Variants in FGFR2 observed in about 807,000 individuals in gnomAD.
FGFR2 encodes the protein BEK fibroblast growth factor receptor.
A neutral mutation model predicts 95.9 loss-of-function variants in FGFR2; 19 were observed. The ratio of observed to expected loss-of-function variants is 0.20; its 90% CI spans 0.14 to 0.29. FGFR2 has a LOEUF of 0.29. Ranked by LOEUF, FGFR2 falls within the 10% of genes least tolerant of loss-of-function variation. The pLI is 1.00. For missense variants in FGFR2, 707 were observed against 1,056.9 expected (o/e 0.67, Z 4.59); for synonymous variants, 392 against 393.3 (o/e 1.00, Z 0.04).
intron 10 of FGFR2, among the ~76,000 whole-genome samples, chr10:121,503,142 T>C (rs958335194): frequency 2.0e-5 from 3 of 152,370 alleles, no homozygotes; most frequent in Non-Finnish European, 4.4e-5. Context: ...AGGATTCAAA[T>C]GCAGCCCAAC....
intron 2 of FGFR2, among the ~76,000 whole-genome samples, chr10:121,580,539 A>T (rs376471112): frequency 6.6e-6 from 1 of 152,126 alleles, no homozygotes; most frequent in African/African-American, 2.4e-5. Context: ...CAATCAGCTG[A>T]ATGGGAATGA....
chr10:121,544,382 T>C (rs1292948675), intron 5 of FGFR2, among the ~76,000 whole-genome samples: 2 of 150,384 alleles, frequency 1.3e-5, no homozygotes. Flanking sequence ...AGGCGGAGGT[T>C]GCAGTGAGCC....
chr10:121,595,893 T>A (rs1863366788), intron 1 of FGFR2, among the ~76,000 whole-genome samples: 1 of 152,196 alleles, frequency 6.6e-6, no homozygotes, highest in Non-Finnish European at 1.5e-5. Context: ...TTCAGCCATT[T>A]CCAGGTCCAA....
chr10:121,505,732 G>A (rs576859646), intron 9 of FGFR2, among the ~76,000 whole-genome samples: 3 of 152,264 alleles, frequency 2.0e-5, no homozygotes, highest in African/African-American at 2.4e-5. Flanking sequence ...AGCTAACCTC[G>A]TCTGCGGGAC....
At chr10:121,484,701 C>T (rs1845183069) in intron 16 of FGFR2, among the ~76,000 whole-genome samples, 1 of 152,170 alleles carries the variant, frequency 6.6e-6, no homozygotes, top group Non-Finnish European at 1.5e-5. Context: ...CAACATAACT[C>T]CACTTAAAGT....
At chr10:121,522,051 C>A (rs2981442) in intron 6 of FGFR2, among the ~76,000 whole-genome samples, 136,011 of 152,274 alleles carry the variant, frequency 0.89, 62,714 homozygotes, top group East Asian at 1. Context: ...ACAGACACTG[C>A]CTGACTCCAC....
intron 6 of FGFR2, among the ~76,000 whole-genome samples, chr10:121,522,025 G>C (rs1850623854): frequency 6.6e-6 from 1 of 152,202 alleles, no homozygotes; most frequent in South Asian, 2.1e-4. Context: ...AAGTGAAACA[G>C]GATAGTCACA....
intron 9 of FGFR2, among the ~76,000 whole-genome samples, chr10:121,507,383 T>A (rs886159084): frequency 9.9e-5 from 15 of 152,108 alleles, no homozygotes; most frequent in African/African-American, 3.6e-4. Context: ...AGGTCAGGAG[T>A]TCGAGACCAG....
intron 1 of FGFR2, among the ~76,000 whole-genome samples, chr10:121,594,532 G>A (rs1863156840): frequency 6.6e-6 from 1 of 152,162 alleles, no homozygotes; most frequent in African/African-American, 2.4e-5. Context: ...AAGAATCCCA[G>A]GAAGGCTACA....
intron 17 of FGFR2, among the ~76,000 whole-genome samples, chr10:121,480,816 T>C (rs1844576582): frequency 6.6e-6 from 1 of 152,126 alleles, no homozygotes; most frequent in South Asian, 2.1e-4. Context: ...AAAAGCCCTC[T>C]GGATCACCCC....
chr10:121,550,206 T>C (rs767939691), intron 5 of FGFR2, among the ~76,000 whole-genome samples: 4 of 152,210 alleles, frequency 2.6e-5, no homozygotes, highest in Non-Finnish European at 4.4e-5. Context: ...CACCTTTCCA[T>C]GTACATCCAT....
At position 121,503,836 on chromosome 10, in the gene FGFR2, C is replaced by T. The variant is rs2134056235; in HGVS notation, c.1393G>A (p.Glu465Lys). 1 of 1,614,130 alleles carries T rather than the reference C, an allele frequency of 6.2e-7. No homozygotes were observed. The highest frequency in any genetic ancestry group is 8.5e-7 in the Non-Finnish European group (1 of 1,180,032). The part of the protein sequence containing the change: ...ADTPMLAGVS[E>K]YELPEDPKWE... ...TTTGGGTCCTCTGGAAGTTCATACTCGGAGACCCCTGCCAGCATGGGGGTG... is the reference window on the plus strand; with the variant it reads ...TTTGGGTCCTCTGGAAGTTCATACTTGGAGACCCCTGCCAGCATGGGGGTG... Residue 465 changes from glutamate (E) to lysine (K), a missense_variant, in exon 10 of 18, where the codon GAG (glutamate) becomes AAG (lysine). Transcript: ENST00000358487.
At chr10:121,553,709 A>G (rs1394719358) in intron 4 of FGFR2, among the ~76,000 whole-genome samples, 3 of 152,254 alleles carry the variant, frequency 2.0e-5, no homozygotes, top group African/African-American at 7.2e-5. Context: ...AACATCAATT[A>G]CTGCTGAGCT....
At chr10:121,538,206 T>G in intron 6 of FGFR2, 1 of 623,584 alleles carries the variant, frequency 1.6e-6, no homozygotes, top group South Asian at 2.0e-5. Context: ...GCTGGCCTTC[T>G]ACAGTTGCCC....
chr10:121,557,370 A>G (rs1856302480), intron 4 of FGFR2, among the ~76,000 whole-genome samples: 1 of 152,196 alleles, frequency 6.6e-6, no homozygotes, highest in African/African-American at 2.4e-5. Context: ...CTGCAGTGGT[A>G]CAACCACAGC....
At chr10:121,561,162 C>T (rs547094247) in intron 4 of FGFR2, among the ~76,000 whole-genome samples, 2 of 152,290 alleles carry the variant, frequency 1.3e-5, no homozygotes, top group East Asian at 3.9e-4. Context: ...CAGTGGCTCA[C>T]ACCTGTAATC....
intron 17 of FGFR2, 43 bp downstream of exon 17, chr10:121,483,655 C>T (rs768481584): frequency 6.9e-7 from 1 of 1,445,356 alleles, no homozygotes; most frequent in East Asian, 2.3e-5. Flanking sequence ...GCATGTCTCA[C>T]AAGACAACCA....
chr10:121,555,765 C>A (rs1856045029), intron 4 of FGFR2, among the ~76,000 whole-genome samples: 1 of 152,200 alleles, frequency 6.6e-6, no homozygotes, highest in African/African-American at 2.4e-5. Flanking sequence ...TACTCATTAT[C>A]ATTTTCTACA....
intron 13 of FGFR2, among the ~76,000 whole-genome samples, chr10:121,495,988 T>G (rs781530443): frequency 6.6e-6 from 1 of 152,186 alleles, no homozygotes; most frequent in Non-Finnish European, 1.5e-5. Flanking sequence ...TCAGGGGACC[T>G]GGCCAACTTC....
Sources: gnomAD v4.1 joint callset for allele counts (sites outside exome capture counted in the v4.1 genomes callset) on GRCh38, gnomAD v4.1.1 for gene constraint, MANE v1.5 for transcripts, NCBI Gene and HGNC (gene_info 2026-07-23, HGNC 2026-07-21) for gene names.